The following ANK2 variants were observed in gnomAD, a reference collection of about 807,000 sequenced individuals.
The protein encoded by ANK2 is ankyrin 2, also known as ankyrin-2.
Under a neutral mutation model 360.5 loss-of-function variants are expected in ANK2, and 83 were observed. That is an observed-to-expected ratio of 0.23 (90% CI 0.19 to 0.28). The LOEUF (loss-of-function observed/expected upper bound fraction) is 0.28. Ranked by LOEUF, ANK2 falls within the 10% of genes least tolerant of loss-of-function variation. The pLI is 1.00. For missense variants in ANK2, 4,201 were observed against 4,795.7 expected (o/e 0.88, Z 3.66); for synonymous variants, 1,740 against 1,759.5 (o/e 0.99, Z 0.28).
At chr4:113,184,440 A>G (rs979625206) in intron 2 of ANK2, among the ~76,000 whole-genome samples, 1 of 151,972 alleles carries the variant, frequency 6.6e-6, no homozygotes, top group Admixed American at 6.6e-5. Context: ...AGGAGTCTGT[A>G]GAGTTCAGGA....
At chr4:113,324,812 T>C (rs1451967741) in intron 26 of ANK2, among the ~76,000 whole-genome samples, 2 of 152,182 alleles carry the variant, frequency 1.3e-5, no homozygotes, top group African/African-American at 4.8e-5. Context: ...TTTTTTCCTG[T>C]TCTTTCAACT....
chr4:112,830,231 A>T (rs900679076), intron 1 of ANK2, among the ~76,000 whole-genome samples: 3 of 152,242 alleles, frequency 2.0e-5, no homozygotes, highest in Admixed American at 1.3e-4. Context: ...TCACAACAGC[A>T]AAGACATGGA....
chr4:112,941,933 A>C (rs188276019), intron 2 of ANK2, among the ~76,000 whole-genome samples: 1 of 151,188 alleles, frequency 6.6e-6, no homozygotes, highest in East Asian at 1.9e-4. Flanking sequence ...AGGTTGTTAT[A>C]AAGATTAAAT....
At chr4:113,216,103 C>T (rs558990862) in intron 4 of ANK2, among the ~76,000 whole-genome samples, 1 of 152,260 alleles carries the variant, frequency 6.6e-6, no homozygotes, top group South Asian at 2.1e-4. Context: ...AAATCTTCCA[C>T]CTTACACTAG....
At chr4:113,131,939 C>CT (rs1216725394) in intron 1 of ANK2, among the ~76,000 whole-genome samples, 6 of 152,124 alleles carry the variant, frequency 3.9e-5, no homozygotes, top group African/African-American at 9.7e-5. Flanking sequence ...GGCTCAAAGG[C>CT]TTTTTTCTTC....
chr4:113,043,903 G>A (rs1253955151), intron 2 of ANK2, among the ~76,000 whole-genome samples: 3 of 152,056 alleles, frequency 2.0e-5, no homozygotes, highest in Admixed American at 6.5e-5. Flanking sequence ...GATCTGGCAG[G>A]CATTCCTTTT....
chr4:112,884,736 T>G (rs540574956), intron 1 of ANK2, among the ~76,000 whole-genome samples: 1 of 152,346 alleles, frequency 6.6e-6, no homozygotes, highest in African/African-American at 2.4e-5. Flanking sequence ...CTTATATTTT[T>G]TCCTGCTGGG....
At chr4:112,777,074 C>T in the ANK2 span, among the ~76,000 whole-genome samples, 1 of 152,138 alleles carries the variant, frequency 6.6e-6, no homozygotes, top group African/African-American at 2.4e-5. Flanking sequence ...ACAAATAACT[C>T]AGTGAATGTT....
chr4:113,358,724 A>G lies in ANK2; in HGVS notation c.10106A>G (p.Gln3369Arg), dbSNP rs761655038. 33 of 1,614,016 alleles carry G rather than the reference A, an allele frequency of 2.0e-5. No homozygotes were observed. Among genetic ancestry groups the G allele is most frequent in the Non-Finnish European group, 2.7e-5 (32 of 1,179,974 alleles). Reference sequence around the variant, plus strand: ...CTCTCAGATCTAGACACCTCTGTCCAGAAGACAGTGGCTCCTCAGGGACAG... The same window carrying G: ...CTCTCAGATCTAGACACCTCTGTCCGGAAGACAGTGGCTCCTCAGGGACAG... ...QQLSDLDTSV[Q>R]KTVAPQGQDM... Residue 3369 changes from glutamine to arginine, a missense_variant, in exon 38 of 46, where the codon CAG becomes CGG. Transcript: ENST00000357077.
At chr4:113,284,398 A>C (rs2063567891) in intron 18 of ANK2, among the ~76,000 whole-genome samples, 1 of 152,246 alleles carries the variant, frequency 6.6e-6, no homozygotes, top group African/African-American at 2.4e-5. Context: ...TAAACAATTC[A>C]GCAGTATTTT....
In ANK2 at chr4:113,339,327, C is replaced by T. The variant is rs747391205; in HGVS notation, c.3893+5C>T. On this transcript the variant is annotated splice_donor_5th_base_variant and intron_variant, in intron 32 of 45. Coordinates refer to ENST00000357077, the MANE Select transcript of ANK2 (RefSeq NM_001148.6). ...TACAACAAACGTGTCTGCCAGGTAT[C>T]GTTATATAGCACAGAAAAGCCCACT... 9.3e-6 allele frequency: 15 copies of T among 1,610,012 alleles called. No individual in the cohort carries two copies. Among genetic ancestry groups the T allele is most frequent in the African/African-American group, 1.3e-5 (1 of 74,810 alleles).
chr4:112,924,837 C>CTTTT (rs199974647), intron 2 of ANK2, among the ~76,000 whole-genome samples: 7 of 131,974 alleles, frequency 5.3e-5, no homozygotes, highest in East Asian at 2.3e-4. Context: ...ATATTTATTA[C>CTTTT]TTTTTTTTTT....
At chr4:113,156,371 C>CTTTTTTTTTTTTTTTTTTTTTTTTTTTT (rs150536846) in intron 1 of ANK2, among the ~76,000 whole-genome samples, 14 of 128,472 alleles carry the variant, frequency 1.1e-4, no homozygotes, top group Non-Finnish European at 1.3e-4. Flanking sequence ...TAGAAAAATT[C>CTTTTTTTTTTTTTTTTTTTTTTTTTTTT]TTTTTTTTTT....
intron 2 of ANK2, among the ~76,000 whole-genome samples, chr4:113,027,542 C>T (rs574972309): frequency 5.9e-5 from 9 of 152,160 alleles, no homozygotes; most frequent in South Asian, 4.2e-4. Context: ...ATTATTGGAG[C>T]GGAACCATAT....
intron 1 of ANK2, among the ~76,000 whole-genome samples, chr4:112,850,173 C>T (rs2064326127): frequency 6.6e-6 from 1 of 152,078 alleles, no homozygotes; most frequent in Admixed American, 6.6e-5. Flanking sequence ...GACTGAAGGG[C>T]ATCAATTTGC....
chr4:112,811,974 C>T, the ANK2 span, among the ~76,000 whole-genome samples: 3 of 147,704 alleles, frequency 2.0e-5, no homozygotes, highest in African/African-American at 7.5e-5. Context: ...ACTCAGGAGG[C>T]TGAGGCAGGA....
rs777113752 is a variant in ANK2 at position 113,335,992 on chromosome 4, G to T, written c.3526G>T (p.Val1176Leu). 86 of 1,614,036 alleles carry T rather than the reference G, an allele frequency of 5.3e-5. 1 individual carries two copies. Among genetic ancestry groups the T allele is most frequent in the Middle Eastern group, 3.3e-4 (2 of 6,082 alleles). The change falls in exon 30 of 46, where the codon GTG (valine) becomes TTG (leucine). Residue 1176 changes from valine (V) to leucine (L), a missense_variant. Physicochemically the swap from Val to Leu is conservative, Grantham distance 32. Coordinates refer to ENST00000357077, the MANE Select transcript of ANK2 (RefSeq NM_001148.6). The stretch of plus-strand genomic sequence containing the variant: ...AGGAGGTGTACTGAGCAGCACAGTG[G>T]TGCCCCAGGTGCAGGCCGTCTTCCC... Reference protein sequence around the residue: ...PEGGVLSSTVVPQVQAVFPEG... With the variant: ...PEGGVLSSTVLPQVQAVFPEG...
chr4:113,058,552 G>T (rs569450902), intron 1 of ANK2, among the ~76,000 whole-genome samples: 1 of 152,130 alleles, frequency 6.6e-6, no homozygotes, highest in East Asian at 1.9e-4. Context: ...TCAAGATTTT[G>T]GTCCTCTTTT....
At chr4:113,082,378 A>G (rs934479458) in intron 1 of ANK2, among the ~76,000 whole-genome samples, 29 of 145,534 alleles carry the variant, frequency 2.0e-4, no homozygotes, top group Non-Finnish European at 1.5e-4. Context: ...GGCACAAGGT[A>G]TCTTCCTGCC....
Sources: allele counts gnomAD v4.1 joint callset (sites outside exome capture counted in the v4.1 genomes callset), GRCh38; gene constraint gnomAD v4.1.1; transcripts MANE v1.5; gene names NCBI Gene and HGNC (gene_info 2026-07-23, HGNC 2026-07-21).